Variants in CNTNAP2 observed in about 807,000 individuals in gnomAD.
The protein encoded by CNTNAP2 is contactin associated protein 2.
In CNTNAP2, 98 loss-of-function variants were observed where a neutral mutation model predicts 155.2. The observed-to-expected ratio is 0.63, with a 90% CI of 0.54 to 0.75. The LOEUF (loss-of-function observed/expected upper bound fraction) is 0.75. Ranked by LOEUF, CNTNAP2 falls within the 30% of genes least tolerant of loss-of-function variation. CNTNAP2 has a pLI of 0.00. For missense variants in CNTNAP2, 1,727 were observed against 1,688.1 expected, an observed-to-expected ratio of 1.02 and a Z score of -0.40; for synonymous variants, 651 against 631.2, an observed-to-expected ratio of 1.03 and a Z score of -0.47.
intron 2 of CNTNAP2, among the ~76,000 whole-genome samples, chr7:146,804,610 TA>T (rs774200846): frequency 1.2e-4 from 18 of 152,192 alleles, no homozygotes; most frequent in South Asian, 2.1e-4. Context: ...TAAGTAAATA[TA>T]AAAACACTTA....
intron 13 of CNTNAP2, among the ~76,000 whole-genome samples, chr7:147,829,574 C>T (rs1447521563): frequency 3.9e-5 from 6 of 152,074 alleles, no homozygotes; most frequent in African/African-American, 1.4e-4. Flanking sequence ...ATCACAAATG[C>T]TTAAATGGAA....
At chr7:148,276,171 G>C (rs1796867472) in intron 21 of CNTNAP2, among the ~76,000 whole-genome samples, 5 of 152,162 alleles carry the variant, frequency 3.3e-5, no homozygotes. Context: ...TCTAAAAATA[G>C]GACTACGCAG....
chr7:148,193,673 C>CT (rs1795233320), intron 18 of CNTNAP2, among the ~76,000 whole-genome samples: 1 of 152,008 alleles, frequency 6.6e-6, no homozygotes, highest in Admixed American at 6.6e-5. Context: ...TGTTCTCTGG[C>CT]TTGGGTATTC....
At position 148,029,675 on chromosome 7, in the gene CNTNAP2, G is replaced by A. The variant is rs189433704; in HGVS notation, c.2383+51686G>A. Among the ~76,000 whole-genome samples, 3 of 152,220 alleles carry A rather than the reference G, an allele frequency of 2.0e-5. No individual in the cohort carries two copies. The East Asian group carries it at 5.8e-4, about 29-fold the overall frequency. On this transcript the variant is annotated intron_variant, in intron 15 of 23. Coordinates refer to ENST00000361727, the MANE Select transcript of CNTNAP2 (RefSeq NM_014141.6). ...ATCTTTTAATTACAATTTTAAACCTGCGAATATAATACCTTGACTCGATGG... is the reference window on the plus strand; with the variant it reads ...ATCTTTTAATTACAATTTTAAACCTACGAATATAATACCTTGACTCGATGG...
chr7:148,342,665 A>T (rs17595169), intron 21 of CNTNAP2, among the ~76,000 whole-genome samples: 3,580 of 152,324 alleles, frequency 0.024, 61 homozygotes, highest in Middle Eastern at 0.051. Context: ...CATCATTTGG[A>T]CAGGGACTGC....
chr7:147,565,885 A>G (rs1800160304), intron 12 of CNTNAP2, among the ~76,000 whole-genome samples: 1 of 152,170 alleles, frequency 6.6e-6, no homozygotes, highest in Non-Finnish European at 1.5e-5. Context: ...ATTGGGTTAG[A>G]GATATAAATG....
chr7:148,219,595 G>A (rs1795707144), intron 19 of CNTNAP2, among the ~76,000 whole-genome samples: 1 of 152,188 alleles, frequency 6.6e-6, no homozygotes, highest in Admixed American at 6.5e-5. Context: ...TGCTCAAAAG[G>A]CTGAGGCAGG....
chr7:147,346,032 A>C (rs1284237090), intron 9 of CNTNAP2, among the ~76,000 whole-genome samples: 2 of 152,248 alleles, frequency 1.3e-5, no homozygotes, highest in African/African-American at 2.4e-5. Flanking sequence ...TATTTTTGAT[A>C]GCTGCAAAAC....
At chr7:147,331,751 C>A (rs6954016) in intron 9 of CNTNAP2, among the ~76,000 whole-genome samples, 1 of 152,046 alleles carries the variant, frequency 6.6e-6, no homozygotes, top group African/African-American at 2.4e-5. Flanking sequence ...ATCGAGATTA[C>A]TAGAAGTGTT....
intron 1 of CNTNAP2, among the ~76,000 whole-genome samples, chr7:146,453,011 G>A (rs2129122716): frequency 6.6e-6 from 1 of 152,326 alleles, no homozygotes; most frequent in South Asian, 2.1e-4. Context: ...ATTCCAGGAT[G>A]TCATGCAGGT....
At chr7:146,479,748 A>T (rs1235805902) in intron 1 of CNTNAP2, among the ~76,000 whole-genome samples, 3 of 152,142 alleles carry the variant, frequency 2.0e-5, no homozygotes, top group Non-Finnish European at 4.4e-5. Flanking sequence ...AATGCAATTA[A>T]GTGGGTAGAA....
chr7:147,123,035 A>C lies in CNTNAP2; in HGVS notation c.939+1872A>C, dbSNP rs1223918004. 2.0e-5 allele frequency: 3 copies of C among 152,162 alleles called. 1 individual carries two copies. Among genetic ancestry groups the C allele is most frequent in the South Asian group, 4.1e-4 (2 of 4,834 alleles). 9.4% of individuals were successfully genotyped at this position (152,162 alleles called of 1,614,324 possible). On this transcript the variant is annotated intron_variant, in intron 6 of 23. Coordinates refer to ENST00000361727, the MANE Select transcript of CNTNAP2 (RefSeq NM_014141.6). ...ATATATTCTTAAATAAAAAATTTAG[A>C]GTAGAATATGCTATATAAACACTGA...
intron 2 of CNTNAP2, among the ~76,000 whole-genome samples, chr7:146,835,677 G>C (rs1055276256): frequency 5.9e-5 from 9 of 152,140 alleles, no homozygotes; most frequent in African/African-American, 2.2e-4. Context: ...ATCAGGAAGT[G>C]GTCCCAAGAG....
intron 13 of CNTNAP2, among the ~76,000 whole-genome samples, chr7:147,876,329 C>T (rs942520629): frequency 5.3e-5 from 8 of 151,954 alleles, no homozygotes; most frequent in African/African-American, 1.2e-4. Context: ...TGCTGCTGTG[C>T]GAAAAGTTTT....
chr7:147,936,598 A>G (rs185164581), intron 14 of CNTNAP2, among the ~76,000 whole-genome samples: 1 of 152,140 alleles, frequency 6.6e-6, no homozygotes, highest in Non-Finnish European at 1.5e-5. Flanking sequence ...GTATTCATTT[A>G]TCCCTCCCCT....
intron 4 of CNTNAP2, chr7:147,085,724 AT>A (rs1800262542): frequency 6.6e-6 from 1 of 152,166 alleles, no homozygotes; most frequent in African/African-American, 2.4e-5. Flanking sequence ...ATCATTGTAT[AT>A]TTTTAAATTC....
chr7:147,050,004 ACTTGT>A (rs1405773459), intron 4 of CNTNAP2, among the ~76,000 whole-genome samples: 1 of 152,130 alleles, frequency 6.6e-6, no homozygotes, highest in Non-Finnish European at 1.5e-5. Flanking sequence ...CTACTTCCTG[ACTTGT>A]CTTGAATATA....
intron 1 of CNTNAP2, among the ~76,000 whole-genome samples, chr7:146,669,334 G>A (rs1165358646): frequency 1.3e-5 from 2 of 152,108 alleles, no homozygotes; most frequent in African/African-American, 4.8e-5. Context: ...ACACAAATCT[G>A]AATAGAAACC....
chr7:147,728,926 A>G (rs1257803883), intron 13 of CNTNAP2, among the ~76,000 whole-genome samples: 1 of 151,476 alleles, frequency 6.6e-6, no homozygotes, highest in Non-Finnish European at 1.5e-5. Flanking sequence ...AATGCTAAAC[A>G]GGAAATAGAA....
Sources: allele counts gnomAD v4.1 joint callset (sites outside exome capture counted in the v4.1 genomes callset), GRCh38; gene constraint gnomAD v4.1.1; transcripts MANE v1.5; gene names NCBI Gene and HGNC (gene_info 2026-07-23, HGNC 2026-07-21).